The following SH2B1 variants were observed in gnomAD, a reference collection of about 807,000 sequenced individuals.
SH2B1 encodes the protein SH2B adaptor protein 1.
A neutral mutation model predicts 62.6 loss-of-function variants in SH2B1; 15 were observed. The ratio of observed to expected loss-of-function variants is 0.24; its 90% confidence interval spans 0.16 to 0.37. The LOEUF is 0.37. Ranked by LOEUF, SH2B1 falls within the 10% of genes least tolerant of loss-of-function variation. The pLI is 1.00. For synonymous variants in SH2B1, 443 were observed against 438.0 expected (o/e 1.01, Z -0.14); for missense variants, 925 against 1,015.6 (o/e 0.91, Z 1.21).
intron 2 of SH2B1, among the ~76,000 whole-genome samples, chr16:28,868,578 G>C (rs1411012530): frequency 1.3e-5 from 2 of 152,012 alleles, no homozygotes; most frequent in Non-Finnish European, 2.9e-5. Context: ...TCCTGTCTCA[G>C]CCTCTCGAGT....
intron 1 of SH2B1, among the ~76,000 whole-genome samples, chr16:28,849,692 C>T (rs1354950892): frequency 6.6e-6 from 1 of 152,040 alleles, no homozygotes; most frequent in African/African-American, 2.4e-5. Flanking sequence ...TTTGGGAGGT[C>T]GAGGCAGGCG....
At position 28,868,054 on chromosome 16, in the gene SH2B1, G is replaced by C. The variant is rs1326580456; in HGVS notation, c.1041+622G>C. On this transcript the variant is annotated intron_variant, in intron 2 of 7. Transcript: ENST00000684370. ...ATGTTCGGCAGGCTGGTCTCAAACT[G>C]GCCTCAAGTGATCCACCCCACTTGG... 2.6e-5 allele frequency among the ~76,000 whole-genome samples: 4 copies of C among 152,344 alleles called. No individual in the cohort carries two copies. In the South Asian group the frequency reaches 8.3e-4, roughly 32 times the overall value.
intron 1 of SH2B1, among the ~76,000 whole-genome samples, chr16:28,857,220 T>C (rs1249750381): frequency 6.7e-6 from 1 of 149,986 alleles, no homozygotes; most frequent in African/African-American, 2.5e-5. Context: ...GAGATGGAGG[T>C]TGCAGTGAAC....
In SH2B1 at chr16:28,866,217, T is replaced by G; in HGVS notation, c.123T>G (p.Phe41Leu). The G allele has an allele frequency of 6.2e-7, 1 of 1,607,616 alleles. No homozygotes were observed. Among genetic ancestry groups the G allele is most frequent in the Non-Finnish European group, 8.5e-7 (1 of 1,178,408 alleles). ...ACGCCCGGGCTGCGGCTCTGGACTT[T>G]GCCCGCCGTTTTCGCCTCTACCTGG... is the stretch of plus-strand genomic sequence containing the variant. ...ESHARAAALDFARRFRLYLAS... is the reference protein window; with the variant it reads ...ESHARAAALDLARRFRLYLAS... The change falls in exon 1 of 8, where the codon TTT becomes TTG. Residue 41 changes from phenylalanine to leucine, a missense_variant. Around this residue, in one of 3 missense-constraint regions of SH2B1, gnomAD observed 683 missense variants for 704.0 expected, o/e 0.97. Transcript: ENST00000684370. This position sits in a 1 kb window ranked among gnomAD's most constrained non-coding sequence, Gnocchi z 6.3.
At position 28,873,003 on chromosome 16, in the gene SH2B1, T is replaced by C; in HGVS notation, c.1897+298T>C. The C allele has an allele frequency of 1.6e-6, 1 of 640,300 alleles. No homozygotes were observed. Among genetic ancestry groups the C allele is most frequent in the Non-Finnish European group, 2.7e-6 (1 of 371,286 alleles). The allele number at this position is 640,300 out of a possible 1,614,324, so 39.7% of individuals were successfully genotyped here. Reference sequence around the variant, plus strand: ...GTCTGTCTGTCTCCTGGACCCATCCTGGCCTCGTCTTTGCCCTCCGTCGCA... The same window carrying C: ...GTCTGTCTGTCTCCTGGACCCATCCCGGCCTCGTCTTTGCCCTCCGTCGCA... On this transcript the variant is annotated intron_variant, in intron 7 of 7. Coordinates refer to ENST00000684370, the MANE Select transcript of SH2B1 (RefSeq NM_001387430.1). This position sits in a 1 kb window ranked among gnomAD's most constrained non-coding sequence, Gnocchi z 4.2.
At chr16:28,851,921 GT>G (rs1962107500) in intron 1 of SH2B1, among the ~76,000 whole-genome samples, 1 of 149,954 alleles carries the variant, frequency 6.7e-6, no homozygotes. Context: ...ACAAAAAATA[GT>G]TGGGCATGGT....
chr16:28,872,473 AG>A lies in SH2B1; in HGVS notation c.1726-56del, dbSNP rs1244694918. 7 of 1,571,236 alleles carry A rather than the reference AG, an allele frequency of 4.5e-6. No individual in the cohort carries two copies. The East Asian group carries it at 1.6e-4, about 35-fold the overall frequency. ...TGGGGTGGGGGAGCACTGCCGGGGGAGGGGGTTTGTACCTGGCAGGGCCTTT... is the reference window on the plus strand; with the variant it reads ...TGGGGTGGGGGAGCACTGCCGGGGGAGGGGTTTGTACCTGGCAGGGCCTTT... On this transcript the variant is annotated intron_variant, in intron 6 of 7. Transcript: ENST00000684370. The surrounding 1 kb of genome is among the most constrained non-coding windows in gnomAD (Gnocchi z 5.3).
chr16:28,867,137 G>A, intron 1 of SH2B1, 104 bp downstream of exon 1: 2 of 1,506,418 alleles, frequency 1.3e-6, no homozygotes, highest in African/African-American at 2.8e-5. Context: ...CATGGCCCTG[G>A]TGTCGCTCAC....
rs984068523 is a variant in SH2B1 at position 28,873,834 on chromosome 16, G to C, written c.*14G>C. On this transcript the variant is annotated 3_prime_UTR_variant, in exon 8 of 8. Coordinates refer to ENST00000684370, the MANE Select transcript of SH2B1 (RefSeq NM_001387430.1). The surrounding 1 kb of genome is among the most constrained non-coding windows in gnomAD (Gnocchi z 4.2). ...TCCTTCGTGTGAGCCAACCCCACCCGCTCCACCCTTTTTAAACCCCCCAGC... is the reference window on the plus strand; with the variant it reads ...TCCTTCGTGTGAGCCAACCCCACCCCCTCCACCCTTTTTAAACCCCCCAGC... The C allele has an allele frequency of 7.0e-7, 1 of 1,422,672 alleles. No homozygotes were observed. Among genetic ancestry groups the C allele is most frequent in the African/African-American group, 1.5e-5 (1 of 68,620 alleles). The allele number at this position is 1,422,672 out of a possible 1,614,324, so 88.1% of individuals were successfully genotyped here.
Position 28,866,076 on chromosome 16 carries a change from C to G in SH2B1, c.-19C>G. ...TTTGTGCCCCACAGGCTCCCCCTCT[C>G]CACCTCCTGGGGCCCATCATGAATG... is the stretch of plus-strand genomic sequence containing the variant. On this transcript the variant is annotated 5_prime_UTR_variant, in exon 1 of 8. Coordinates refer to ENST00000684370, the MANE Select transcript of SH2B1 (RefSeq NM_001387430.1). This position sits in a 1 kb window ranked among gnomAD's most constrained non-coding sequence, Gnocchi z 6.3. 6.6e-7 allele frequency: 1 copy of G among 1,520,036 alleles called. No individual in the cohort carries two copies. Among genetic ancestry groups the G allele is most frequent in the Non-Finnish European group, 8.8e-7 (1 of 1,140,110 alleles). The allele number at this position is 1,520,036 out of a possible 1,614,324, so 94.2% of individuals were successfully genotyped here.
chr16:28,847,791 C>T (rs1324678746), intron 1 of SH2B1, among the ~76,000 whole-genome samples: 1 of 149,680 alleles, frequency 6.7e-6, no homozygotes, highest in Non-Finnish European at 1.5e-5. Flanking sequence ...TGCACCCCAC[C>T]GTGAGTGACA....
At chr16:28,853,367 C>A (rs1333464641) in intron 1 of SH2B1, among the ~76,000 whole-genome samples, 1 of 150,192 alleles carries the variant, frequency 6.7e-6, no homozygotes, top group Admixed American at 6.7e-5. Flanking sequence ...CCATGCCCAG[C>A]TAATTTTTTG....
chr16:28,871,559 C>G (rs545313465), intron 4 of SH2B1, among the ~76,000 whole-genome samples: 2 of 152,236 alleles, frequency 1.3e-5, no homozygotes, highest in Admixed American at 6.5e-5. Flanking sequence ...CACATTGGGA[C>G]TTTAGAACCT....
intron 1 of SH2B1, among the ~76,000 whole-genome samples, chr16:28,850,215 A>G (rs1205151205): frequency 6.6e-6 from 1 of 152,206 alleles, no homozygotes; most frequent in Non-Finnish European, 1.5e-5. Context: ...ATTCCAAGCC[A>G]TAGAACTGAT....
In SH2B1 at chr16:28,873,181, G is replaced by C; in HGVS notation, c.1898-266G>C. The C allele has an allele frequency of 6.3e-7, 1 of 1,576,064 alleles. No homozygotes were observed. The highest frequency in any genetic ancestry group is 1.3e-5 in the African/African-American group (1 of 74,232). On this transcript the variant is annotated intron_variant, in intron 7 of 7. Coordinates refer to ENST00000684370, the MANE Select transcript of SH2B1 (RefSeq NM_001387430.1). The surrounding 1 kb of genome is among the most constrained non-coding windows in gnomAD (Gnocchi z 4.2). ...GCCCCTCCCCCCAGGCCGGGAGCAG[G>C]CTGGGAGCCATGCGGGGGTGTGCGA...
chr16:28,848,449 A>AT (rs1412861381), intron 1 of SH2B1, among the ~76,000 whole-genome samples: 1 of 151,708 alleles, frequency 6.6e-6, no homozygotes, highest in African/African-American at 2.4e-5. Flanking sequence ...AAAAAAAAAA[A>AT]TTTTTTTTCA....
At chr16:28,863,824 G>A, upstream of SH2B1, 4 of 1,534,276 alleles carry the variant, frequency 2.6e-6, no homozygotes, top group Non-Finnish European at 2.6e-6. Flanking sequence ...ACGGGAAAGG[G>A]GGTCCTGACG....
chr16:28,855,154 A>G (rs1239756695), intron 1 of SH2B1, among the ~76,000 whole-genome samples: 1 of 151,422 alleles, frequency 6.6e-6, no homozygotes, highest in Non-Finnish European at 1.5e-5. Context: ...GTGCCTTACA[A>G]GTGTGAGACA....
chr16:28,863,581 C>A, upstream of SH2B1: 1 of 1,180,092 alleles, frequency 8.5e-7, no homozygotes, highest in Non-Finnish European at 1.2e-6. Flanking sequence ...CTATGGTCGA[C>A]ATCGCCCCTT....
Sources: allele counts gnomAD v4.1 joint callset (sites outside exome capture counted in the v4.1 genomes callset), GRCh38; gene constraint gnomAD v4.1.1; regional missense constraint gnomAD v4.1.1; non-coding constraint Gnocchi (gnomAD v3.1); transcripts MANE v1.5; gene names NCBI Gene and HGNC (gene_info 2026-07-23, HGNC 2026-07-21).